The following SCD5 variants were observed in gnomAD, a reference collection of about 807,000 sequenced individuals.
The protein encoded by SCD5 is stearoyl-CoA desaturase 5.
SCD5 carries 20 observed loss-of-function variants against 30.4 expected under a neutral mutation model. The observed-to-expected ratio is 0.66, with a 90% confidence interval of 0.46 to 0.96. The LOEUF (loss-of-function observed/expected upper bound fraction) is 0.96, where lower values mean the gene tolerates loss of function less well. Ranked by LOEUF, SCD5 falls within the 40% of genes least tolerant of loss-of-function variation. The pLI is 0.00. For synonymous variants in SCD5, 173 were observed against 176.4 expected (o/e 0.98, Z 0.16); for missense variants, 381 against 443.3 (o/e 0.86, Z 1.26).
At chr4:82,728,143 T>C (rs1052670112) in intron 1 of SCD5, among the ~76,000 whole-genome samples, 6 of 152,142 alleles carry the variant, frequency 3.9e-5, no homozygotes, top group African/African-American at 1.4e-4. Flanking sequence ...TAATAAATAA[T>C]TTAAAAATAA....
intron 3 of SCD5, among the ~76,000 whole-genome samples, chr4:82,637,080 C>G (rs1472760395): frequency 6.6e-6 from 1 of 152,130 alleles, no homozygotes. Context: ...TGTGGCATAC[C>G]TCAGAATAAC....
At chr4:82,686,078 T>C (rs1290674566) in intron 2 of SCD5, among the ~76,000 whole-genome samples, 1 of 151,970 alleles carries the variant, frequency 6.6e-6, no homozygotes. Flanking sequence ...TGATTATGGC[T>C]CACTACAGCC....
At chr4:82,740,391 G>C (rs1363732394) in intron 1 of SCD5, among the ~76,000 whole-genome samples, 1 of 152,220 alleles carries the variant, frequency 6.6e-6, no homozygotes, top group Non-Finnish European at 1.5e-5. Flanking sequence ...CACTGGGGCA[G>C]GTGGACGGGG....
At chr4:82,665,231 CAAA>C (rs35422547) in intron 3 of SCD5, among the ~76,000 whole-genome samples, 63 of 72,156 alleles carry the variant, frequency 8.7e-4, no homozygotes, top group Middle Eastern at 9.6e-3. Flanking sequence ...GACCCTGTCT[CAAA>C]AAAAAAAAAA....
chr4:82,711,983 TATA>T (rs1479347138), intron 1 of SCD5, among the ~76,000 whole-genome samples: 2 of 151,320 alleles, frequency 1.3e-5, no homozygotes, highest in African/African-American at 2.4e-5. Flanking sequence ...TCATGTGCCC[TATA>T]ATAATAAGAG....
chr4:82,773,231 A>T (rs1369063864), intron 1 of SCD5, among the ~76,000 whole-genome samples: 1 of 152,168 alleles, frequency 6.6e-6, no homozygotes, highest in African/African-American at 2.4e-5. Context: ...GTGGCCTTCA[A>T]GTCCCTAAAG....
intron 3 of SCD5, among the ~76,000 whole-genome samples, chr4:82,653,147 CT>C (rs1245660356): frequency 6.6e-6 from 1 of 152,178 alleles, no homozygotes; most frequent in African/African-American, 2.4e-5. Context: ...AAGTGAAACC[CT>C]GTTTCCAGAA....
intron 2 of SCD5, among the ~76,000 whole-genome samples, chr4:82,690,544 T>C (rs553067816): frequency 6.6e-6 from 1 of 152,246 alleles, no homozygotes; most frequent in Non-Finnish European, 1.5e-5. Context: ...TTTACTTGGA[T>C]GCTGTAATAA....
intron 3 of SCD5, among the ~76,000 whole-genome samples, chr4:82,679,294 A>AAG (rs1216074096): frequency 6.7e-6 from 1 of 148,974 alleles, no homozygotes; most frequent in African/African-American, 2.5e-5. Context: ...GAAGGAAAGA[A>AAG]AGAAAGAAAA....
At chr4:82,741,853 C>CGGGGGGGGGGGGT (rs34875819) in intron 1 of SCD5, among the ~76,000 whole-genome samples, 2 of 45,404 alleles carry the variant, frequency 4.4e-5, no homozygotes, top group Non-Finnish European at 9.1e-5. Context: ...TCAGAGTGGG[C>CGGGGGGGGGGGGT]GGGGGGGGGG....
At chr4:82,733,654 A>G (rs1482129581) in intron 1 of SCD5, among the ~76,000 whole-genome samples, 2 of 152,172 alleles carry the variant, frequency 1.3e-5, no homozygotes, top group African/African-American at 2.4e-5. Flanking sequence ...AGAGCCTGAG[A>G]ATTCCGTAAC....
At chr4:82,766,870 G>A (rs1031664886) in intron 1 of SCD5, among the ~76,000 whole-genome samples, 1 of 152,032 alleles carries the variant, frequency 6.6e-6, no homozygotes, top group Admixed American at 6.6e-5. Context: ...TAGAGATGGC[G>A]TTTCACCATG....
At chr4:82,666,310 C>T (rs991420493) in intron 3 of SCD5, among the ~76,000 whole-genome samples, 1 of 152,096 alleles carries the variant, frequency 6.6e-6, no homozygotes. Context: ...TACTGGGTGA[C>T]GCCCTGGAGC....
At chr4:82,676,046 A>G (rs924127135) in intron 3 of SCD5, among the ~76,000 whole-genome samples, 17 of 152,170 alleles carry the variant, frequency 1.1e-4, no homozygotes, top group Non-Finnish European at 2.1e-4. Context: ...GATAGGTTGT[A>G]TCTTCTAGGA....
intron 1 of SCD5, chr4:82,776,186 C>G (rs571699909): frequency 6.6e-6 from 1 of 152,284 alleles, no homozygotes; most frequent in African/African-American, 2.4e-5. Flanking sequence ...GCATGTGGAG[C>G]GTATCTGTGC....
rs182576739 is a variant in SCD5, at chr4:82,707,837, G to T, written c.233-2424C>A. ...ACCAACACACTGCAGCCCCGTGGGA[G>T]ATCTTGGGGCAGAGGATCCAGCTAA... On this transcript the variant is annotated intron_variant, in intron 1 of 4. Transcript: ENST00000319540. 6.7e-4 allele frequency among the ~76,000 whole-genome samples: 102 copies of T among 152,358 alleles called. 1 individual carries two copies. Among genetic ancestry groups the T allele is most frequent in the South Asian group, 2.1e-3 (10 of 4,830 alleles).
At chr4:82,764,009 C>T (rs1431676993) in intron 1 of SCD5, among the ~76,000 whole-genome samples, 2 of 152,160 alleles carry the variant, frequency 1.3e-5, no homozygotes, top group African/African-American at 4.8e-5. Flanking sequence ...TTTCCATCCT[C>T]CTATTTTTAA....
intron 1 of SCD5, among the ~76,000 whole-genome samples, chr4:82,765,940 T>C (rs67134238): frequency 0.19 from 28,642 of 152,124 alleles, 3,688 homozygotes; most frequent in African/African-American, 0.37. Flanking sequence ...ATTTTTGATC[T>C]GCAGTTGGCT....
rs554065462 is a variant in SCD5 at position 82,776,871 on chromosome 4, A to T, written c.232+21435T>A. On this transcript the variant is annotated intron_variant, in intron 1 of 4. Coordinates refer to ENST00000319540, the MANE Select transcript of SCD5 (RefSeq NM_001037582.3). ...ATCTGAGAAATCCATTTGGTAGTAG[A>T]TTGTTGGGACTGACTTTGCTGCATA... Among the ~76,000 whole-genome samples the T allele has an allele frequency of 2.0e-5, 3 of 152,362 alleles. No homozygotes were observed. The East Asian group carries it at 5.8e-4, about 29-fold the overall frequency.
Sources: gnomAD v4.1 joint callset for allele counts (sites outside exome capture counted in the v4.1 genomes callset) on GRCh38, gnomAD v4.1.1 for gene constraint, MANE v1.5 for transcripts, NCBI Gene and HGNC (gene_info 2026-07-23, HGNC 2026-07-21) for gene names.